PDXDC1: variants seen among roughly 807,000 people sequenced by gnomAD.
The protein encoded by PDXDC1 is pyridoxal dependent decarboxylase domain containing 1.
PDXDC1 carries 42 observed loss-of-function variants against 100.1 expected under a neutral mutation model. The observed-to-expected ratio is 0.42, with a 90% CI of 0.33 to 0.54. The LOEUF (loss-of-function observed/expected upper bound fraction) is 0.54, where lower values mean the gene tolerates loss of function less well. Among genes scored for constraint, PDXDC1 ranks in the 20% least tolerant of loss-of-function variants. The pLI is 0.10. For missense variants in PDXDC1, 636 were observed against 979.2 expected (o/e 0.65, Z 4.68); for synonymous variants, 260 against 371.7 (o/e 0.70, Z 3.46).
intron 16 of PDXDC1, among the ~76,000 whole-genome samples, chr16:15,102,345 C>T (rs893095001): frequency 8.5e-5 from 13 of 152,074 alleles, no homozygotes; most frequent in African/African-American, 1.9e-4. Flanking sequence ...TCCAATTTTA[C>T]GAGAGGGTGT....
intron 16 of PDXDC1, chr16:15,047,343 T>A: frequency 1.3e-6 from 1 of 796,346 alleles, no homozygotes; most frequent in Non-Finnish European, 2.2e-6. Context: ...GACACGGCAG[T>A]GGTGGCATCC....
At chr16:15,100,872 GC>G (rs1276566570) in intron 16 of PDXDC1, among the ~76,000 whole-genome samples, 1 of 152,076 alleles carries the variant, frequency 6.6e-6, no homozygotes, top group African/African-American at 2.4e-5. Context: ...TGTAGTCCCG[GC>G]TACTCAGGAG....
intron 13 of PDXDC1, 119 bp downstream of exon 13, chr16:15,022,873 C>T (rs1428071554): frequency 2.4e-5 from 20 of 831,378 alleles, no homozygotes; most frequent in Non-Finnish European, 3.6e-5. Context: ...TGTGGCAGCT[C>T]CAGTAAAAAA....
intron 16 of PDXDC1, chr16:15,055,919 T>C: frequency 8.1e-7 from 1 of 1,232,094 alleles, no homozygotes; most frequent in Non-Finnish European, 1.0e-6. Context: ...TCGGACGAGG[T>C]CCCCGGCTGA....
chr16:15,093,256 G>A lies in PDXDC1; in HGVS notation c.1400-45623G>A, dbSNP rs374254756. ...TGACTTCAGATGATCCGCCCGCCTC[G>A]GCCTCCCAAAGTGCTGGGATTACAG... On this transcript the variant is annotated intron_variant, in intron 16 of 16. Transcript: ENST00000535621. 7.9e-5 allele frequency among the ~76,000 whole-genome samples: 12 copies of A among 152,098 alleles called. No homozygotes were observed. The East Asian group carries it at 2.1e-3, about 27-fold the overall frequency.
At chr16:15,088,874 T>G (rs559292498) in intron 16 of PDXDC1, among the ~76,000 whole-genome samples, 11 of 151,994 alleles carry the variant, frequency 7.2e-5, no homozygotes, top group Non-Finnish European at 1.3e-4. Context: ...GGAAATGGAC[T>G]CAATGAAGGA....
chr16:15,061,999 A>C lies in PDXDC1; in HGVS notation c.1399+31943A>C. 4 of 1,219,730 alleles carry C rather than the reference A, an allele frequency of 3.3e-6. No individual in the cohort carries two copies. The South Asian group carries it at 4.5e-5, about 14-fold the overall frequency. 75.6% of individuals were successfully genotyped at this position (1,219,730 alleles called of 1,614,324 possible). On this transcript the variant is annotated intron_variant, in intron 16 of 16. Transcript: ENST00000535621. ...CTCAGGAAGGTGTTAACGTTTGTAA[A>C]GATGGTGAAGAAAATATCTTAATTT...
At chr16:15,049,830 T>C (rs968305765) in intron 16 of PDXDC1, among the ~76,000 whole-genome samples, 2 of 152,120 alleles carry the variant, frequency 1.3e-5, no homozygotes, top group African/African-American at 2.4e-5. Context: ...TCATGAGAAA[T>C]GAAAACTATG....
In PDXDC1 at chr16:15,106,288, C is replaced by T. The variant is rs1481210399; in HGVS notation, c.1400-32591C>T. Reference sequence around the variant, plus strand: ...GCATCTGTAGTAGTCCTCTGCCCGCCGCCGCAACGCTTGCGCACGTTGAAA... The same window carrying T: ...GCATCTGTAGTAGTCCTCTGCCCGCTGCCGCAACGCTTGCGCACGTTGAAA... On this transcript the variant is annotated intron_variant, in intron 16 of 16. Transcript: ENST00000535621. 2.2e-5 allele frequency: 26 copies of T among 1,167,370 alleles called. 1 individual carries two copies. The East Asian group carries it at 3.9e-4, about 17-fold the overall frequency. 72.3% of individuals were successfully genotyped at this position (1,167,370 alleles called of 1,614,324 possible).
At chr16:15,047,397 G>A (rs371601818) in intron 16 of PDXDC1, 15 of 1,261,356 alleles carry the variant, frequency 1.2e-5, no homozygotes, top group Middle Eastern at 1.8e-4. Context: ...TGTATGCGAC[G>A]GTTCCAAGAT....
chr16:15,034,219 T>TTAC (rs1305516909), intron 19 of PDXDC1, 67 bp from the exon 20 acceptor site: 68 of 1,373,684 alleles, frequency 5.0e-5, no homozygotes, highest in Admixed American at 6.9e-5. Flanking sequence ...CAGTGCTGTG[T>TTAC]TACTAGCTCT....
intron 16 of PDXDC1, chr16:15,080,193 T>C (rs2151800328): frequency 6.9e-7 from 1 of 1,440,956 alleles, no homozygotes; most frequent in East Asian, 2.6e-5. Flanking sequence ...TAGTTTCAAA[T>C]ATTTAAAAAG....
chr16:15,133,778 A>C (rs537889977), intron 16 of PDXDC1: 166 of 1,589,648 alleles, frequency 1.0e-4, no homozygotes, highest in South Asian at 3.3e-4. Context: ...GCTCCCCCTA[A>C]GCAGGCCTGT....
At chr16:15,030,544 C>CAAAAAAAAAA (rs1156634836) in intron 16 of PDXDC1, among the ~76,000 whole-genome samples, 1 of 38,386 alleles carries the variant, frequency 2.6e-5, no homozygotes. Context: ...GACTCCATCT[C>CAAAAAAAAAA]AAAAAAAAAA....
chr16:15,092,071 C>T lies in PDXDC1; in HGVS notation c.1400-46808C>T, dbSNP rs74196948. ...GTGTGTGCCTGTAACCCCACCTATT[C>T]GGAAGACTGAGGCAGGAGAATTGCT... On this transcript the variant is annotated intron_variant, in intron 16 of 16. Transcript: ENST00000535621. 8.2e-3 allele frequency among the ~76,000 whole-genome samples: 1,253 copies of T among 152,154 alleles called. 47 individuals are homozygous for T. Among genetic ancestry groups the T allele is most frequent in the East Asian group, 0.063 (327 of 5,180 alleles).
chr16:15,033,480 C>T, intron 19 of PDXDC1, 81 bp downstream of exon 19: 1 of 1,453,384 alleles, frequency 6.9e-7, no homozygotes, highest in Non-Finnish European at 9.6e-7. Flanking sequence ...AAGCAGCTGC[C>T]CTTGGGATGT....
chr16:15,013,541 TG>T (rs1320486733), intron 8 of PDXDC1, among the ~76,000 whole-genome samples: 5 of 152,360 alleles, frequency 3.3e-5, no homozygotes, highest in Admixed American at 6.5e-5. Flanking sequence ...CAAAACTCAT[TG>T]GACCGTATAC....
intron 4 of PDXDC1, among the ~76,000 whole-genome samples, chr16:15,003,716 C>G (rs1393128809): frequency 2.6e-5 from 4 of 152,258 alleles, no homozygotes; most frequent in Admixed American, 2.6e-4. Context: ...GGAGTAGTGG[C>G]TCATGCCTGT....
At chr16:15,042,769 G>C (rs192047212), downstream of PDXDC1, among the ~76,000 whole-genome samples, 43 of 141,172 alleles carry the variant, frequency 3.0e-4, no homozygotes, top group Admixed American at 5.9e-4. Context: ...GTCTCGCTCT[G>C]TCACCCAGGC....
Sources: gnomAD v4.1 joint callset for allele counts (sites outside exome capture counted in the v4.1 genomes callset) on GRCh38, gnomAD v4.1.1 for gene constraint, MANE v1.5 for transcripts, NCBI Gene and HGNC (gene_info 2026-07-23, HGNC 2026-07-21) for gene names.